PTPRN2: variants seen among roughly 807,000 people sequenced by gnomAD.
The protein encoded by PTPRN2 is protein tyrosine phosphatase receptor type N2.
Under a neutral mutation model 118.8 loss-of-function variants are expected in PTPRN2, and 74 were observed. That is an observed-to-expected ratio of 0.62 (90% confidence interval 0.52 to 0.76). The LOEUF (loss-of-function observed/expected upper bound fraction) is 0.76, where lower values mean the gene tolerates loss of function less well. Among genes scored for constraint, PTPRN2 ranks in the 30% least tolerant of loss-of-function variants. The probability of loss-of-function intolerance (pLI) is 0.00; values close to 1 mark genes in which losing one functional copy is unlikely to be tolerated. For missense variants in PTPRN2, 1,481 were observed against 1,394.4 expected (o/e 1.06, Z -0.99); for synonymous variants, 641 against 608.0 (o/e 1.05, Z -0.80).
rs1444525687 is a variant in PTPRN2, at chr7:157,656,512, G to A, written c.2041C>T (p.Arg681Ter). Residue 681 changes from arginine (R) to a stop codon, truncating the protein, a stop_gained, in exon 14 of 23, where the codon CGA (arginine) becomes TGA (stop). Coordinates refer to ENST00000389418, the MANE Select transcript of PTPRN2 (RefSeq NM_002847.5). LOFTEE classifies it high-confidence loss of function. The part of the protein sequence containing the change: ...RQRMATRPPD[R>*]PEGPHTSRIS... The stretch of plus-strand genomic sequence containing the variant: ...CGTGACGTGTGCGGGCCCTCAGGTC[G>A]GTCTGGTGGCCGCGTGGCCATACGC... 2.6e-6 allele frequency: 4 copies of A among 1,551,652 alleles called. No individual in the cohort carries two copies. The highest frequency in any genetic ancestry group is 2.4e-5 in the East Asian group (1 of 41,680).
chr7:157,896,005 G>A (rs1797089768), intron 12 of PTPRN2, among the ~76,000 whole-genome samples: 1 of 152,082 alleles, frequency 6.6e-6, no homozygotes, highest in African/African-American at 2.4e-5. Flanking sequence ...GTGAAAGGGA[G>A]CACCAAGTAT....
At chr7:158,461,091 T>A (rs1029054470) in intron 2 of PTPRN2, among the ~76,000 whole-genome samples, 1 of 152,228 alleles carries the variant, frequency 6.6e-6, no homozygotes. Flanking sequence ...CCGACAGTCA[T>A]GTGGCTTCAC....
In PTPRN2 at chr7:158,267,395, G is replaced by T. The variant is rs112545876; in HGVS notation, c.277+49424C>A. Among the ~76,000 whole-genome samples the T allele has an allele frequency of 9.1e-3, 1,387 of 152,290 alleles. 23 individuals are homozygous for T. The highest frequency in any genetic ancestry group is 0.032 in the African/African-American group (1,309 of 41,544). The stretch of plus-strand genomic sequence containing the variant: ...GTGTGTGCTCTCTCCATCTGGAGCC[G>T]CCTGGAAGCCAGGGAGCATGTTTTT... On this transcript the variant is annotated intron_variant, in intron 3 of 22. Coordinates refer to ENST00000389418, the MANE Select transcript of PTPRN2 (RefSeq NM_002847.5).
intron 12 of PTPRN2, among the ~76,000 whole-genome samples, chr7:157,818,073 T>C (rs1806540912): frequency 6.8e-6 from 1 of 147,172 alleles, no homozygotes; most frequent in Non-Finnish European, 1.5e-5. Context: ...GTGGTGTGTG[T>C]GGTGTGTGCA....
intron 9 of PTPRN2, among the ~76,000 whole-genome samples, chr7:158,111,965 G>C (rs1179493146): frequency 6.6e-6 from 1 of 152,198 alleles, no homozygotes; most frequent in Non-Finnish European, 1.5e-5. Context: ...TGGACTCAGA[G>C]ACAAACGCAC....
intron 2 of PTPRN2, among the ~76,000 whole-genome samples, chr7:158,441,066 G>A (rs867296999): frequency 4.2e-5 from 5 of 119,226 alleles, no homozygotes; most frequent in African/African-American, 6.9e-5. Context: ...GATGGGGGTG[G>A]TAGTGATGGT....
chr7:158,236,552 G>A (rs1829564401), intron 3 of PTPRN2, among the ~76,000 whole-genome samples: 1 of 152,144 alleles, frequency 6.6e-6, no homozygotes, highest in African/African-American at 2.4e-5. Context: ...AGTCTGACAT[G>A]CACCAGCTGT....
rs1803306622 is a variant in PTPRN2 at position 157,622,374 on chromosome 7, C to G, written c.2197-865G>C. On this transcript the variant is annotated intron_variant, in intron 14 of 22. Coordinates refer to ENST00000389418, the MANE Select transcript of PTPRN2 (RefSeq NM_002847.5). This position sits in a 1 kb window ranked among gnomAD's most constrained non-coding sequence, Gnocchi z 5.3. ...CACATGGTCCTTTGCTGCAAAGCGG[C>G]CACGCATTCCAATGTCAGGCCCGGG... Among the ~76,000 whole-genome samples the G allele has an allele frequency of 6.6e-6, 1 of 152,132 alleles. No individual in the cohort carries two copies. The highest frequency in any genetic ancestry group is 6.5e-5 in the Admixed American group (1 of 15,284).
Position 157,595,330 on chromosome 7 carries a change from C to T in PTPRN2, c.2419-15G>A. On this transcript the variant is annotated splice_polypyrimidine_tract_variant and intron_variant, in intron 16 of 22. Transcript: ENST00000389418. ...TCGTGATCCATCTGCAGAGACAAGA[C>T]CACACCACAGCGGTTAGCCAGGAGA... The T allele has an allele frequency of 6.2e-7, 1 of 1,612,146 alleles. No homozygotes were observed. The highest frequency in any genetic ancestry group is 1.7e-4 in the Middle Eastern group (1 of 6,054).
At chr7:158,291,129 A>G (rs1800095119) in intron 3 of PTPRN2, among the ~76,000 whole-genome samples, 1 of 151,984 alleles carries the variant, frequency 6.6e-6, no homozygotes, top group African/African-American at 2.4e-5. Flanking sequence ...CCTTCATTCC[A>G]CCCCACTTGG....
intron 2 of PTPRN2, among the ~76,000 whole-genome samples, chr7:158,364,338 G>C (rs1586467866): frequency 7.2e-6 from 1 of 137,998 alleles, no homozygotes. Flanking sequence ...CACTTCACCT[G>C]CCTCTCGCCA....
At chr7:157,800,108 C>T (rs1005268370) in intron 12 of PTPRN2, among the ~76,000 whole-genome samples, 40 of 150,702 alleles carry the variant, frequency 2.7e-4, no homozygotes, top group African/African-American at 9.8e-4. Context: ...TGAGGCACCA[C>T]AGGCGGCCTC....
intron 12 of PTPRN2, among the ~76,000 whole-genome samples, chr7:157,730,985 C>G (rs906610322): frequency 6.6e-6 from 1 of 152,162 alleles, no homozygotes; most frequent in African/African-American, 2.4e-5. Context: ...GAGCTCACGT[C>G]CTGCTCTGAA....
At chr7:158,354,994 A>G (rs1232695773) in intron 2 of PTPRN2, among the ~76,000 whole-genome samples, 1 of 150,382 alleles carries the variant, frequency 6.6e-6, no homozygotes, top group East Asian at 2.0e-4. Context: ...AGACCAGGAG[A>G]AAATGGGATG....
chr7:158,502,815 C>T (rs1822466088), intron 1 of PTPRN2, among the ~76,000 whole-genome samples: 1 of 152,134 alleles, frequency 6.6e-6, no homozygotes. Flanking sequence ...CCATCAACTA[C>T]TGTGTCCATC....
chr7:157,716,267 T>C (rs1270532328), intron 12 of PTPRN2, among the ~76,000 whole-genome samples: 2 of 124,936 alleles, frequency 1.6e-5, no homozygotes, highest in Non-Finnish European at 3.6e-5. Context: ...GCGGGAACAC[T>C]GCCTGGTCAC....
At chr7:157,982,217 ATGAGGAGGGGAATGCAGAGTG>A in intron 11 of PTPRN2, among the ~76,000 whole-genome samples, 1 of 135,270 alleles carries the variant, frequency 7.4e-6, no homozygotes, top group Non-Finnish European at 1.6e-5. Context: ...AGTCACAGAG[ATGAGGAGGGGAATGCAGAGTG>A]CGGGGTCCCC....
intron 2 of PTPRN2, among the ~76,000 whole-genome samples, chr7:158,372,765 T>G (rs1810175869): frequency 6.6e-6 from 1 of 152,236 alleles, no homozygotes; most frequent in Non-Finnish European, 1.5e-5. Flanking sequence ...TTATTTCTGT[T>G]TTTTATACAG....
chr7:158,421,705 G>A (rs969963693), intron 2 of PTPRN2, among the ~76,000 whole-genome samples: 1 of 152,186 alleles, frequency 6.6e-6, no homozygotes, highest in South Asian at 2.1e-4. Context: ...CTGAATCGTG[G>A]AGTAAATTGC....
Sources: allele counts gnomAD v4.1 joint callset (sites outside exome capture counted in the v4.1 genomes callset), GRCh38; gene constraint gnomAD v4.1.1; non-coding constraint Gnocchi (gnomAD v3.1); transcripts MANE v1.5; gene names NCBI Gene and HGNC (gene_info 2026-07-23, HGNC 2026-07-21).